NFE2L1: variants seen among roughly 807,000 people sequenced by gnomAD.
NFE2L1 encodes endoplasmic reticulum membrane sensor NFE2L1.
NFE2L1 carries 18 observed loss-of-function variants against 61.6 expected under a neutral mutation model. That is an observed-to-expected ratio of 0.29 (90% CI 0.20 to 0.43). The LOEUF (loss-of-function observed/expected upper bound fraction) is 0.43, where lower values mean the gene tolerates loss of function less well. Among genes scored for constraint, NFE2L1 ranks in the 20% least tolerant of loss-of-function variants. NFE2L1 has a pLI of 1.00. For synonymous variants in NFE2L1, 419 were observed against 402.7 expected (o/e 1.04, Z -0.48); for missense variants, 827 against 973.5 (o/e 0.85, Z 2.00).
In NFE2L1 at chr17:48,051,412, T is replaced by C. The variant is rs2037246572; in HGVS notation, c.294T>C (p.Thr98=). ...TGGACAGGTTCCAGGTGCCAACCAC[T>C]GAGGTAAATGCCTGGCTGGTTCACC... The part of the protein sequence containing the change: ...RALDRFQVPT[T]EVNAWLVHRD... Residue 98 remains threonine, a synonymous_variant, in exon 2 of 6, where the codon ACT becomes ACC. Coordinates refer to ENST00000362042, the MANE Select transcript of NFE2L1 (RefSeq NM_003204.3). 3 of 1,614,076 alleles carry C rather than the reference T, an allele frequency of 1.9e-6. No individual in the cohort carries two copies. The highest frequency in any genetic ancestry group is 1.7e-6 in the Non-Finnish European group (2 of 1,180,000).
intron 2 of NFE2L1, among the ~76,000 whole-genome samples, chr17:48,053,834 G>A (rs140226874): frequency 2.0e-5 from 3 of 152,084 alleles, no homozygotes; most frequent in Non-Finnish European, 4.4e-5. Flanking sequence ...GAATAAAGCC[G>A]GGGTGAAAGG....
intron 2 of NFE2L1, among the ~76,000 whole-genome samples, chr17:48,054,043 G>A (rs1324933574): frequency 6.6e-6 from 1 of 152,076 alleles, no homozygotes; most frequent in African/African-American, 2.4e-5. Flanking sequence ...GCTTATGGTG[G>A]GCCTGGGTGC....
chr17:48,048,681 G>C (rs2037154098), intron 1 of NFE2L1: 1 of 148,814 alleles, frequency 6.7e-6, no homozygotes, highest in Admixed American at 6.7e-5. Flanking sequence ...GAGGGCACGA[G>C]AAGGCGTGGT....
At chr17:48,052,990 T>C (rs770402945) in intron 2 of NFE2L1, among the ~76,000 whole-genome samples, 10 of 152,158 alleles carry the variant, frequency 6.6e-5, no homozygotes, top group Non-Finnish European at 1.5e-4. Flanking sequence ...CCTGTTAATT[T>C]AGCTTCTTAC....
In NFE2L1 at chr17:48,059,022, A is replaced by C; in HGVS notation, c.1700A>C (p.Tyr567Ser). 6.2e-7 allele frequency: 1 copy of C among 1,613,902 alleles called. No homozygotes were observed. Among genetic ancestry groups the C allele is most frequent in the Non-Finnish European group, 8.5e-7 (1 of 1,180,006 alleles). ...CCAGCTCAGCTCTCATGCCTGCCCTACCTGGAGCACGTGGGCCACAACCAC... is the reference window on the plus strand; with the variant it reads ...CCAGCTCAGCTCTCATGCCTGCCCTCCCTGGAGCACGTGGGCCACAACCAC... The part of the protein sequence containing the change: ...QDPAQLSCLP[Y>S]LEHVGHNHTY... The change falls in exon 6 of 6, where the codon TAC becomes TCC. Residue 567 changes from tyrosine (Y) to serine (S), a missense_variant. Tyr to Ser is a moderately radical substitution (Grantham distance 144). Around this residue, in one of 3 missense-constraint regions of NFE2L1, gnomAD observed 667 missense variants for 748.4 expected, o/e 0.89. Coordinates refer to ENST00000362042, the MANE Select transcript of NFE2L1 (RefSeq NM_003204.3). The surrounding 1 kb of genome is among the most constrained non-coding windows in gnomAD (Gnocchi z 6.1).
At chr17:48,055,935 C>T in intron 2 of NFE2L1, 1 of 169,050 alleles carries the variant, frequency 5.9e-6, no homozygotes, top group Non-Finnish European at 1.3e-5. Context: ...CAGGCTGATG[C>T]AAGCCTGGCC....
At chr17:48,054,882 G>T in intron 2 of NFE2L1, 1 of 1,362,694 alleles carries the variant, frequency 7.3e-7, no homozygotes, top group East Asian at 3.1e-5. Flanking sequence ...GCACGGGCGG[G>T]GCACCCTCCT....
rs1342898625 is a variant in NFE2L1 at position 48,061,239 on chromosome 17, C to G, written c.*1598C>G. 2.0e-5 allele frequency: 3 copies of G among 152,186 alleles called. No individual in the cohort carries two copies. The highest frequency in any genetic ancestry group is 4.4e-5 in the Non-Finnish European group (3 of 68,038). The allele number at this position is 152,186 out of a possible 1,614,324, so 9.4% of individuals were successfully genotyped here. ...CTGCTGCCCTCACCCCTGCCCGGCT[C>G]TGGAGTACCGTCTGCCCCAGACAAG... On this transcript the variant is annotated 3_prime_UTR_variant, in exon 6 of 6. Coordinates refer to ENST00000362042, the MANE Select transcript of NFE2L1 (RefSeq NM_003204.3).
intron 2 of NFE2L1, among the ~76,000 whole-genome samples, chr17:48,052,818 C>T (rs1032858639): frequency 1.3e-5 from 2 of 152,136 alleles, no homozygotes; most frequent in African/African-American, 2.4e-5. Context: ...TCTTGAATGG[C>T]ACAGAACACC....
chr17:48,058,301 G>A lies in NFE2L1; in HGVS notation c.979G>A (p.Glu327Lys), dbSNP rs1452174246. 6.3e-7 allele frequency: 1 copy of A among 1,582,346 alleles called. No homozygotes were observed. The highest frequency in any genetic ancestry group is 8.6e-7 in the Non-Finnish European group (1 of 1,160,896). ...LMSIMEMQAM[E>K]VNTSASEILY... ...TGCTCTTCTCCCCTCCCAGGCCATG[G>A]AAGTGAACACATCAGCAAGTGAAAT... is the stretch of plus-strand genomic sequence containing the variant. Residue 327 changes from glutamate (E) to lysine (K), a missense_variant, in exon 6 of 6, where the codon GAA (glutamate) becomes AAA (lysine). Physicochemically the swap from Glu to Lys is moderately conservative, Grantham distance 56 (BLOSUM62 1). This residue lies in a region of NFE2L1 where 667 missense variants were observed against 748.4 expected (regional missense o/e 0.89). Coordinates refer to ENST00000362042, the MANE Select transcript of NFE2L1 (RefSeq NM_003204.3).
In NFE2L1 at chr17:48,058,994, G is replaced by A. The variant is rs1432826904; in HGVS notation, c.1672G>A (p.Asp558Asn). The change falls in exon 6 of 6, where the codon GAT becomes AAT. Residue 558 changes from aspartate to asparagine, a missense_variant. Coordinates refer to ENST00000362042, the MANE Select transcript of NFE2L1 (RefSeq NM_003204.3). ...CAAGTTCTGCCGCATGAGCTACCAG[G>A]ATCCAGCTCAGCTCTCATGCCTGCC... ...YSKFCRMSYQ[D>N]PAQLSCLPYL... 10 of 1,613,914 alleles carry A rather than the reference G, an allele frequency of 6.2e-6. No homozygotes were observed. The highest frequency in any genetic ancestry group is 8.5e-6 in the Non-Finnish European group (10 of 1,180,024).
At position 48,050,668 on chromosome 17, in the gene NFE2L1, A is replaced by G. The variant is rs1362200199; in HGVS notation, c.-451A>G. 1 of 432,124 alleles carries G rather than the reference A, an allele frequency of 2.3e-6. No homozygotes were observed. Among genetic ancestry groups the G allele is most frequent in the African/African-American group, 2.0e-5 (1 of 49,558 alleles). The allele number at this position is 432,124 out of a possible 1,614,324, so 26.8% of individuals were successfully genotyped here. A position where few individuals can be genotyped will look rare whatever the true frequency, so the allele number is the denominator to read the frequency against. On this transcript the variant is annotated 5_prime_UTR_variant, in exon 2 of 6. Coordinates refer to ENST00000362042, the MANE Select transcript of NFE2L1 (RefSeq NM_003204.3). ...GCGGGACACTCTGACCCAAGACGAA[A>G]GGCCTGTAGCTCCAGCCAAAGAAAA...
Position 48,058,991 on chromosome 17 carries a change from C to T in NFE2L1, c.1669C>T (p.Gln557Ter). 1 of 1,614,058 alleles carries T rather than the reference C, an allele frequency of 6.2e-7. No homozygotes were observed. The highest frequency in any genetic ancestry group is 8.5e-7 in the Non-Finnish European group (1 of 1,180,010). The change falls in exon 6 of 6, where the codon CAG becomes TAG. Residue 557 changes from glutamine (Q) to a stop codon, truncating the protein, a stop_gained. Transcript: ENST00000362042. LOFTEE classifies it high-confidence loss of function. ...EYSKFCRMSY[Q>*]DPAQLSCLPY... ...TTCCAAGTTCTGCCGCATGAGCTAC[C>T]AGGATCCAGCTCAGCTCTCATGCCT...
At position 48,059,530 on chromosome 17, in the gene NFE2L1, T is replaced by A; in HGVS notation, c.2208T>A (p.Ser736Arg). The change falls in exon 6 of 6, where the codon AGT becomes AGA. Residue 736 changes from serine (S) to arginine (R), a missense_variant. Ser to Arg is a moderately radical substitution (Grantham distance 110). This residue lies in a region of NFE2L1 where 86 missense variants were observed against 97.3 expected (regional missense o/e 0.88). Coordinates refer to ENST00000362042, the MANE Select transcript of NFE2L1 (RefSeq NM_003204.3). This position sits in a 1 kb window ranked among gnomAD's most constrained non-coding sequence, Gnocchi z 6.1. ...RDENGRPYSP[S>R]QYALQYAGDG... Reference sequence around the variant, plus strand: ...AGAACGGACGACCCTACTCGCCCAGTCAGTATGCGCTCCAGTACGCCGGGG... The same window carrying A: ...AGAACGGACGACCCTACTCGCCCAGACAGTATGCGCTCCAGTACGCCGGGG... The A allele has an allele frequency of 6.2e-7, 1 of 1,613,688 alleles. No homozygotes were observed. The highest frequency in any genetic ancestry group is 8.5e-7 in the Non-Finnish European group (1 of 1,179,808).
intron 2 of NFE2L1, chr17:48,054,435 A>C: frequency 2.8e-5 from 8 of 286,110 alleles, no homozygotes; most frequent in East Asian, 7.5e-5. Context: ...AGGCGGTGGG[A>C]GGGGATTGGC....
rs2037489049 is a variant in NFE2L1, at chr17:48,059,382, A to C, written c.2060A>C (p.Glu687Ala). Residue 687 changes from glutamate (E) to alanine (A), a missense_variant, in exon 6 of 6, where the codon GAG becomes GCG. Transcript: ENST00000362042. This position sits in a 1 kb window ranked among gnomAD's most constrained non-coding sequence, Gnocchi z 6.1. ...ATCCTGAATCTGGAGCGTGATGTGG[A>C]GGACCTGCAGCGTGACAAAGCCCGG... Reference protein sequence around the residue: ...DTILNLERDVEDLQRDKARLL... With the variant: ...DTILNLERDVADLQRDKARLL... 1.9e-6 allele frequency: 3 copies of C among 1,614,208 alleles called. No individual in the cohort carries two copies. The highest frequency in any genetic ancestry group is 1.7e-6 in the Non-Finnish European group (2 of 1,180,040).
At position 48,059,914 on chromosome 17, in the gene NFE2L1, G is replaced by C. The variant is rs1338158816; in HGVS notation, c.*273G>C. On this transcript the variant is annotated 3_prime_UTR_variant, in exon 6 of 6. Coordinates refer to ENST00000362042, the MANE Select transcript of NFE2L1 (RefSeq NM_003204.3). This position sits in a 1 kb window ranked among gnomAD's most constrained non-coding sequence, Gnocchi z 6.1. ...AGGCAGGGGTGGTGGTGGAGTTGCT[G>C]GAGGTAGAGGAGCTATGTGGAGCAA... 1 of 442,754 alleles carries C rather than the reference G, an allele frequency of 2.3e-6. No individual in the cohort carries two copies. Among genetic ancestry groups the C allele is most frequent in the Non-Finnish European group, 4.0e-6 (1 of 251,034 alleles). 27.4% of individuals were successfully genotyped at this position (442,754 alleles called of 1,614,324 possible).
chr17:48,053,117 G>T (rs1042974838), intron 2 of NFE2L1, among the ~76,000 whole-genome samples: 6 of 152,094 alleles, frequency 3.9e-5, no homozygotes, highest in African/African-American at 1.4e-4. Context: ...CCTCCCCCAG[G>T]GTAGCTCCCC....
In NFE2L1 at chr17:48,058,555, C is replaced by T; in HGVS notation, c.1233C>T (p.Thr411=). ...GCCTCAACTCCACCTTCGGCTCCAC[C>T]AACCTGACAGGGCTCTTCTTTCCAC... is the stretch of plus-strand genomic sequence containing the variant. ...STSLNSTFGS[T]NLTGLFFPPQ... Residue 411 remains threonine (T), a synonymous_variant, in exon 6 of 6, where the codon ACC becomes ACT. Coordinates refer to ENST00000362042, the MANE Select transcript of NFE2L1 (RefSeq NM_003204.3). The T allele has an allele frequency of 6.2e-7, 1 of 1,613,654 alleles. No individual in the cohort carries two copies. The highest frequency in any genetic ancestry group is 8.5e-7 in the Non-Finnish European group (1 of 1,179,666).
Sources: gnomAD v4.1 joint callset for allele counts (sites outside exome capture counted in the v4.1 genomes callset) on GRCh38, gnomAD v4.1.1 for gene constraint, gnomAD v4.1.1 regional missense constraint, Gnocchi (gnomAD v3.1) non-coding constraint, MANE v1.5 for transcripts, NCBI Gene and HGNC (gene_info 2026-07-23, HGNC 2026-07-21) for gene names.